Variants in CELF2 observed in about 807,000 individuals in gnomAD.
CELF2 encodes the protein CUGBP Elav-like family member 2.
A neutral mutation model predicts 62.6 loss-of-function variants in CELF2; 8 were observed. That is an observed-to-expected ratio of 0.13 (90% CI 0.07 to 0.23). CELF2 has a LOEUF of 0.23. Ranked by LOEUF, CELF2 falls within the 10% of genes least tolerant of loss-of-function variation. CELF2 has a pLI of 1.00. For missense variants in CELF2, 333 were observed against 671.0 expected (o/e 0.50, Z 5.56); for synonymous variants, 258 against 250.0 (o/e 1.03, Z -0.30).
chr10:11,240,577 G>A (rs112063346), intron 3 of CELF2, among the ~76,000 whole-genome samples: 6 of 152,058 alleles, frequency 3.9e-5, no homozygotes, highest in South Asian at 2.1e-4. Context: ...CAAATTAGCC[G>A]GGGCTACACT....
intron 3 of CELF2, among the ~76,000 whole-genome samples, chr10:11,228,713 C>G (rs1051414839): frequency 5.5e-5 from 7 of 126,506 alleles, no homozygotes; most frequent in Admixed American, 1.6e-4. Context: ...CACCCGCGCC[C>G]CTCGCAAAAA....
intron 1 of CELF2, among the ~76,000 whole-genome samples, chr10:11,056,728 A>C (rs79252411): frequency 6.6e-6 from 1 of 152,198 alleles, no homozygotes; most frequent in African/African-American, 2.4e-5. Context: ...CATTTTCATG[A>C]AGATAGTAGA....
intron 1 of CELF2, among the ~76,000 whole-genome samples, chr10:10,907,717 T>C (rs530995529): frequency 6.6e-6 from 1 of 152,308 alleles, no homozygotes; most frequent in South Asian, 2.1e-4. Context: ...TTGAAGGTTG[T>C]AAATTTCATC....
intron 2 of CELF2, among the ~76,000 whole-genome samples, chr10:10,930,748 C>G (rs554597669): frequency 6.6e-6 from 1 of 152,134 alleles, no homozygotes; most frequent in African/African-American, 2.4e-5. Context: ...TTTTCCATAA[C>G]CTTTTGCCAT....
At chr10:10,562,301 CTG>C in the CELF2 span, among the ~76,000 whole-genome samples, 4 of 152,166 alleles carry the variant, frequency 2.6e-5, no homozygotes, top group South Asian at 4.1e-4. Flanking sequence ...TGCAGACAGG[CTG>C]TGTTTCTGGC....
chr10:10,656,916 A>G, the CELF2 span, among the ~76,000 whole-genome samples: 1 of 117,058 alleles, frequency 8.5e-6, no homozygotes, highest in East Asian at 2.1e-4. Context: ...TGGTAGAATC[A>G]ATAAAAAAAA....
intron 1 of CELF2, among the ~76,000 whole-genome samples, chr10:10,850,016 C>G (rs957447040): frequency 6.6e-6 from 1 of 151,918 alleles, no homozygotes; most frequent in East Asian, 1.9e-4. Context: ...AGCATGGTGG[C>G]GGGTGCCTGT....
intron 1 of CELF2, among the ~76,000 whole-genome samples, chr10:10,908,498 G>T (rs1288703880): frequency 6.6e-6 from 1 of 151,792 alleles, no homozygotes; most frequent in African/African-American, 2.4e-5. Flanking sequence ...AGGATTACAG[G>T]CATGAGCCAC....
chr10:10,689,375 C>T, the CELF2 span, among the ~76,000 whole-genome samples: 1 of 152,112 alleles, frequency 6.6e-6, no homozygotes, highest in Non-Finnish European at 1.5e-5. Flanking sequence ...AAATCTGCCC[C>T]CATGATCCAG....
chr10:11,091,333 C>T (rs1327483306), intron 1 of CELF2, among the ~76,000 whole-genome samples: 2 of 152,126 alleles, frequency 1.3e-5, no homozygotes, highest in African/African-American at 2.4e-5. Context: ...CCTGGGGAAC[C>T]GTTCAGCAAA....
intron 1 of CELF2, among the ~76,000 whole-genome samples, chr10:11,031,242 C>G (rs755349631): frequency 6.6e-6 from 1 of 152,196 alleles, no homozygotes; most frequent in Non-Finnish European, 1.5e-5. Flanking sequence ...TTTACTCCCT[C>G]CTCCTTAAGT....
At chr10:11,082,407 T>A (rs2074259779) in intron 1 of CELF2, among the ~76,000 whole-genome samples, 1 of 152,160 alleles carries the variant, frequency 6.6e-6, no homozygotes, top group African/African-American at 2.4e-5. Context: ...TATTTCCAGA[T>A]CACTCAGCTG....
the CELF2 span, among the ~76,000 whole-genome samples, chr10:10,592,699 C>T: frequency 6.6e-6 from 1 of 152,152 alleles, no homozygotes; most frequent in Non-Finnish European, 1.5e-5. Flanking sequence ...CAACCTCCTC[C>T]TGATTTCATT....
chr10:10,643,360 G>A, the CELF2 span, among the ~76,000 whole-genome samples: 19 of 152,174 alleles, frequency 1.2e-4, no homozygotes, highest in Admixed American at 7.8e-4. Flanking sequence ...TAAGTCTCAC[G>A]AGATCTGATG....
intron 3 of CELF2, among the ~76,000 whole-genome samples, chr10:11,236,826 A>G (rs2071522171): frequency 6.6e-6 from 1 of 152,230 alleles, no homozygotes; most frequent in African/African-American, 2.4e-5. Flanking sequence ...GAGAAGGGTC[A>G]TTGTGCCGTT....
chr10:10,506,661 C>T, the CELF2 span, among the ~76,000 whole-genome samples: 1 of 132,574 alleles, frequency 7.5e-6, no homozygotes, highest in Non-Finnish European at 1.6e-5. Flanking sequence ...AGTTGTCCAC[C>T]TCCTGTGAAT....
At chr10:10,830,814 T>G (rs2057788069) in intron 1 of CELF2, among the ~76,000 whole-genome samples, 1 of 152,248 alleles carries the variant, frequency 6.6e-6, no homozygotes, top group East Asian at 1.9e-4. Flanking sequence ...TAGTCATTTT[T>G]GGTTGCCTAG....
At chr10:10,739,673 G>A in the CELF2 span, among the ~76,000 whole-genome samples, 1 of 152,082 alleles carries the variant, frequency 6.6e-6, no homozygotes, top group South Asian at 2.1e-4. Flanking sequence ...AGCAATCCAG[G>A]ATCCCACAAA....
chr10:11,126,682 C>T (rs918744787), intron 1 of CELF2, among the ~76,000 whole-genome samples: 29 of 152,146 alleles, frequency 1.9e-4, no homozygotes, highest in African/African-American at 6.8e-4. Context: ...TAGAATAAAA[C>T]AGTCATATCT....
Sources: allele counts gnomAD v4.1 joint callset (sites outside exome capture counted in the v4.1 genomes callset), GRCh38; gene constraint gnomAD v4.1.1; transcripts MANE v1.5; gene names NCBI Gene and HGNC (gene_info 2026-07-23, HGNC 2026-07-21).